Variants in RHOT1 observed in about 807,000 individuals in gnomAD.
The protein encoded by RHOT1 is ras homolog family member T1, also known as mitochondrial Rho GTPase 1.
Under a neutral mutation model 95.3 loss-of-function variants are expected in RHOT1, and 27 were observed. The observed-to-expected ratio is 0.28, with a 90% CI of 0.21 to 0.39. RHOT1 has a LOEUF of 0.39. RHOT1 is among the 10% of genes least tolerant of loss of function. The pLI is 1.00. For synonymous variants in RHOT1, 227 were observed against 263.5 expected (o/e 0.86, Z 1.34); for missense variants, 578 against 786.7 (o/e 0.73, Z 3.17).
chr17:32,184,363 T>C (rs180673733), intron 8 of RHOT1, among the ~76,000 whole-genome samples: 1 of 152,366 alleles, frequency 6.6e-6, no homozygotes, highest in Non-Finnish European at 1.5e-5. Flanking sequence ...TGGCTTCTTT[T>C]ACTTAGCGTA....
At chr17:32,150,299 T>C (rs917442485) in intron 1 of RHOT1, 18 of 254,942 alleles carry the variant, frequency 7.1e-5, no homozygotes, top group African/African-American at 3.6e-4. Flanking sequence ...CTATTTTTTT[T>C]CCATAAATTC....
intron 19 of RHOT1, among the ~76,000 whole-genome samples, chr17:32,222,336 A>G (rs1467860016): frequency 2.0e-5 from 3 of 152,214 alleles, no homozygotes; most frequent in Non-Finnish European, 4.4e-5. Context: ...GATAACCCAA[A>G]GTTATAATCA....
At chr17:32,142,796 C>G in intron 1 of RHOT1, 67 bp downstream of exon 1, 3 of 1,335,758 alleles carry the variant, frequency 2.2e-6, no homozygotes, top group Non-Finnish European at 3.0e-6. Context: ...CCCTGTCGCC[C>G]CTGTCGCCCC....
Position 32,199,441 on chromosome 17 carries a change from G to T in RHOT1, c.991G>T (p.Asp331Tyr). ...TGCTTTGTCACCTGATGAGCTTAAA[G>T]ATTTATTTAAAGTTTTCCCTTACAT... The part of the protein sequence containing the change: ...DCALSPDELK[D>Y]LFKVFPYIPW... Residue 331 changes from aspartate (D) to tyrosine (Y), a missense_variant, in exon 13 of 20, where the codon GAT becomes TAT. Physicochemically the swap from Asp to Tyr is radical, Grantham distance 160. Transcript: ENST00000545287. 2.5e-6 allele frequency: 4 copies of T among 1,613,370 alleles called. No individual in the cohort carries two copies. The highest frequency in any genetic ancestry group is 4.5e-5 in the East Asian group (2 of 44,844).
chr17:32,217,495 G>A (rs1598471201), intron 19 of RHOT1, among the ~76,000 whole-genome samples: 1 of 152,070 alleles, frequency 6.6e-6, no homozygotes, highest in African/African-American at 2.4e-5. Context: ...CTTGGCTCAC[G>A]CCTGTAATCC....
chr17:32,178,340 T>C (rs34811909), intron 6 of RHOT1, among the ~76,000 whole-genome samples: 41,716 of 151,794 alleles, frequency 0.27, 7,431 homozygotes, highest in African/African-American at 0.51. Context: ...TCCAGGCACG[T>C]GCCACCACTC....
intron 1 of RHOT1, among the ~76,000 whole-genome samples, chr17:32,144,392 A>G (rs926987436): frequency 6.6e-6 from 1 of 152,124 alleles, no homozygotes; most frequent in Non-Finnish European, 1.5e-5. Flanking sequence ...TACTAAAAAT[A>G]CGAAAATTAG....
At chr17:32,186,623 C>G (rs570071996) in intron 8 of RHOT1, among the ~76,000 whole-genome samples, 1 of 152,062 alleles carries the variant, frequency 6.6e-6, no homozygotes, top group Non-Finnish European at 1.5e-5. Context: ...CCTCGGCCCC[C>G]CAAAGTGCTG....
intron 19 of RHOT1, chr17:32,221,329 C>CTGCACTCCAGCCTAGTGACAGAGT (rs1020734709): frequency 5.4e-5 from 8 of 147,298 alleles, no homozygotes; most frequent in African/African-American, 2.0e-4. Flanking sequence ...GATCGCATCA[C>CTGCACTCCAGCCTAGTGACAGAGT]TGCACTCCAG....
chr17:32,206,266 C>T lies in RHOT1; in HGVS notation c.1417-644C>T, dbSNP rs548507416. Among the ~76,000 whole-genome samples the T allele has an allele frequency of 6.2e-4, 79 of 127,894 alleles. 1 individual carries two copies. Among genetic ancestry groups the T allele is most frequent in the African/African-American group, 1.9e-3 (64 of 33,184 alleles). 83.9% of individuals were successfully genotyped at this position (127,894 alleles called of 152,430 possible). On this transcript the variant is annotated intron_variant, in intron 16 of 19. Transcript: ENST00000545287. The stretch of plus-strand genomic sequence containing the variant: ...TGTCACCCAGGCTGGAATGCAGCGG[C>T]GTGATCTCGGCTCACTGTAACCTCT...
intron 19 of RHOT1, among the ~76,000 whole-genome samples, chr17:32,213,732 C>A (rs762371315): frequency 3.3e-5 from 5 of 152,140 alleles, no homozygotes; most frequent in African/African-American, 7.2e-5. Context: ...TCTAGAAACT[C>A]TTGATTGTCC....
In RHOT1 at chr17:32,225,008, G is replaced by A; in HGVS notation, c.*275G>A. The A allele has an allele frequency of 4.7e-6, 1 of 212,958 alleles. No individual in the cohort carries two copies. Among genetic ancestry groups the A allele is most frequent in the Non-Finnish European group, 9.7e-6 (1 of 103,422 alleles). 13.2% of individuals were successfully genotyped at this position (212,958 alleles called of 1,614,324 possible). The stretch of plus-strand genomic sequence containing the variant: ...TATGTACATATTCAGGCAAGATATG[G>A]TCTCCCAAGCTGAGTTCTAGAAATG... On this transcript the variant is annotated 3_prime_UTR_variant, in exon 20 of 20. Transcript: ENST00000545287.
chr17:32,197,609 T>C (rs1297050962), intron 11 of RHOT1, among the ~76,000 whole-genome samples: 2 of 152,180 alleles, frequency 1.3e-5, no homozygotes, highest in Non-Finnish European at 2.9e-5. Flanking sequence ...TTTGTATTTT[T>C]AGTAGAGACG....
At chr17:32,186,802 A>G (rs1417487763) in intron 8 of RHOT1, among the ~76,000 whole-genome samples, 1 of 152,118 alleles carries the variant, frequency 6.6e-6, no homozygotes, top group Non-Finnish European at 1.5e-5. Flanking sequence ...CTGGGACTAC[A>G]GGTGCATGCC....
intron 1 of RHOT1, among the ~76,000 whole-genome samples, chr17:32,144,033 TTATTTA>T: frequency 6.6e-6 from 1 of 152,330 alleles, no homozygotes; most frequent in African/African-American, 2.4e-5. Flanking sequence ...ATTTTTATTT[TTATTTA>T]TAACTATATC....
chr17:32,204,555 A>G (rs2037563708), intron 16 of RHOT1, among the ~76,000 whole-genome samples: 1 of 151,924 alleles, frequency 6.6e-6, no homozygotes, highest in African/African-American at 2.4e-5. Context: ...AAAAAAAAAA[A>G]AAAAAGAATT....
At chr17:32,203,114 A>G (rs551381974) in intron 15 of RHOT1, among the ~76,000 whole-genome samples, 14 of 152,226 alleles carry the variant, frequency 9.2e-5, no homozygotes, top group South Asian at 6.2e-4. Flanking sequence ...CAGTGTTTAA[A>G]TGGGCATTAA....
Position 32,211,622 on chromosome 17 carries a change from T to C in RHOT1, c.1862+384T>C, listed in dbSNP as rs539018164. 7.9e-5 allele frequency among the ~76,000 whole-genome samples: 12 copies of C among 152,304 alleles called. 1 individual carries two copies. In the South Asian group the frequency reaches 2.5e-3, roughly 32 times the overall value. On this transcript the variant is annotated intron_variant, in intron 19 of 19. Transcript: ENST00000545287. ...TGAAAGATATTATACTGTACTCAGC[T>C]TACAATGAAATAATATATCTCATTA...
chr17:32,149,673 GCATA>G (rs201621917), intron 1 of RHOT1, among the ~76,000 whole-genome samples: 7 of 95,744 alleles, frequency 7.3e-5, no homozygotes, highest in African/African-American at 1.8e-4. Flanking sequence ...ATACACACAT[GCATA>G]CATACATACA....
Sources: gnomAD v4.1 joint callset for allele counts (sites outside exome capture counted in the v4.1 genomes callset) on GRCh38, gnomAD v4.1.1 for gene constraint, MANE v1.5 for transcripts, NCBI Gene and HGNC (gene_info 2026-07-23, HGNC 2026-07-21) for gene names.